OR51B5: variants seen among roughly 807,000 people sequenced by gnomAD.
OR51B5 encodes the protein olfactory receptor family 51 subfamily B member 5.
For synonymous variants in OR51B5, 186 were observed against 144.8 expected, an observed-to-expected ratio of 1.28 and a Z score of -2.04; for missense variants, 456 against 374.6, an observed-to-expected ratio of 1.22 and a Z score of -1.79.
chr11:5,377,439 T>C (rs1158178213), intron 1 of OR51B5, among the ~76,000 whole-genome samples: 1 of 152,120 alleles, frequency 6.6e-6, no homozygotes, highest in Non-Finnish European at 1.5e-5. Flanking sequence ...CTATTCAACA[T>C]AGTGTTGGAA....
At chr11:5,385,109 T>A (rs1242732400) in intron 1 of OR51B5, among the ~76,000 whole-genome samples, 2 of 152,206 alleles carry the variant, frequency 1.3e-5, no homozygotes, top group African/African-American at 4.8e-5. Flanking sequence ...TTTTCAGGAA[T>A]TTTCTCCTGT....
intron 1 of OR51B5, among the ~76,000 whole-genome samples, chr11:5,350,262 A>T (rs1849058065): frequency 6.6e-6 from 1 of 152,244 alleles, no homozygotes; most frequent in Non-Finnish European, 1.5e-5. Context: ...TCCCAAGATC[A>T]TTATTGTTAG....
At chr11:5,463,387 C>T (rs1376333948) in intron 1 of OR51B5, among the ~76,000 whole-genome samples, 2 of 152,196 alleles carry the variant, frequency 1.3e-5, no homozygotes, top group African/African-American at 4.8e-5. Flanking sequence ...GTATGGATGA[C>T]ATACTGATCT....
intron 1 of OR51B5, among the ~76,000 whole-genome samples, chr11:5,372,248 T>C (rs1227100211): frequency 1.3e-5 from 2 of 152,236 alleles, no homozygotes; most frequent in Non-Finnish European, 2.9e-5. Context: ...CAGATAGCTC[T>C]AGAAAATGCG....
intron 1 of OR51B5, chr11:5,354,991 G>C (rs1453125952): frequency 1.9e-5 from 3 of 161,230 alleles, no homozygotes; most frequent in Admixed American, 6.5e-5. Flanking sequence ...TGAGAAAGGT[G>C]ATGTGCTCTG....
intron 1 of OR51B5, among the ~76,000 whole-genome samples, chr11:5,433,940 C>A (rs1378531260): frequency 6.6e-6 from 1 of 152,212 alleles, no homozygotes; most frequent in Non-Finnish European, 1.5e-5. Context: ...CATGCACCAG[C>A]TCTGCTGAAC....
chr11:5,464,976 G>C (rs1851115227), intron 1 of OR51B5, among the ~76,000 whole-genome samples: 1 of 152,122 alleles, frequency 6.6e-6, no homozygotes, highest in African/African-American at 2.4e-5. Flanking sequence ...GGAGGCCGAG[G>C]CGGGCGGATC....
chr11:5,346,264 G>C (rs1205446083), upstream of OR51B5: 1 of 152,084 alleles, frequency 6.6e-6, no homozygotes, highest in African/African-American at 2.4e-5. Flanking sequence ...AGACATACCT[G>C]GTAATGCAGC....
At chr11:5,455,571 G>GAGAGAGAAAGAGAA (rs1016161526) in intron 1 of OR51B5, 2 of 143,898 alleles carry the variant, frequency 1.4e-5, no homozygotes, top group Non-Finnish European at 3.0e-5. Context: ...GGGGGAGAGA[G>GAGAGAGAAAGAGAA]AGAGAGAAAG....
chr11:5,475,240 C>T (rs909209068), intron 1 of OR51B5, among the ~76,000 whole-genome samples: 5 of 152,162 alleles, frequency 3.3e-5, no homozygotes, highest in Non-Finnish European at 7.4e-5. Context: ...ATGCTATTTT[C>T]ATGATGATAA....
In OR51B5 at chr11:5,418,185, C is replaced by T. The variant is rs545004271; in HGVS notation, n.85-71275G>A. Among the ~76,000 whole-genome samples the T allele has an allele frequency of 3.4e-3, 509 of 151,926 alleles. 8 individuals carry two copies. Among genetic ancestry groups the T allele is most frequent in the Admixed American group, 5.6e-3 (86 of 15,250 alleles). On this transcript the variant is annotated intron_variant and non_coding_transcript_variant, in intron 1 of 4. Coordinates refer to the OR51B5 transcript ENST00000415970. ...AAACCAAACACCGCATATTCTCACT[C>T]ATAGGTGGGAATTAAACAATGAGAA...
intron 1 of OR51B5, chr11:5,489,531 T>C (rs763989857): frequency 6.8e-6 from 11 of 1,613,964 alleles, no homozygotes; most frequent in East Asian, 2.2e-5. Flanking sequence ...TCCCCAAGCA[T>C]GTGCACATCT....
intron 1 of OR51B5, among the ~76,000 whole-genome samples, chr11:5,369,897 T>G (rs1201642843): frequency 6.6e-6 from 1 of 152,176 alleles, no homozygotes; most frequent in Non-Finnish European, 1.5e-5. Flanking sequence ...ACCTCATTGG[T>G]TTTGCTATCA....
intron 1 of OR51B5, among the ~76,000 whole-genome samples, chr11:5,408,290 T>C (rs1317698298): frequency 6.6e-6 from 1 of 152,116 alleles, no homozygotes; most frequent in Non-Finnish European, 1.5e-5. Flanking sequence ...TTTTATCCCA[T>C]GTATTAGGAA....
At chr11:5,492,867 T>G (rs1294426313) in intron 1 of OR51B5, among the ~76,000 whole-genome samples, 1 of 152,124 alleles carries the variant, frequency 6.6e-6, no homozygotes, top group East Asian at 1.9e-4. Flanking sequence ...ACTCCTGACC[T>G]CAAGTGATCC....
chr11:5,504,188 T>C lies in OR51B5; in HGVS notation n.84+1381A>G, dbSNP rs570563690. Reference sequence around the variant, plus strand: ...GTGTTTATGATGAAGATATTAGTTTTGTTTTTTTAAAGAAAAAAAAGAAAT... The same window carrying C: ...GTGTTTATGATGAAGATATTAGTTTCGTTTTTTTAAAGAAAAAAAAGAAAT... On this transcript the variant is annotated intron_variant and non_coding_transcript_variant, in intron 1 of 4. Transcript: ENST00000415970. Among the ~76,000 whole-genome samples, 10 of 152,342 alleles carry C rather than the reference T, an allele frequency of 6.6e-5. No individual in the cohort carries two copies. The South Asian group carries it at 1.9e-3, about 28-fold the overall frequency.
intron 1 of OR51B5, among the ~76,000 whole-genome samples, chr11:5,384,515 C>T (rs1258358684): frequency 6.6e-6 from 1 of 152,150 alleles, no homozygotes; most frequent in African/African-American, 2.4e-5. Flanking sequence ...GTTAGGAAGG[C>T]CAGGAGGCAG....
At chr11:5,341,708 A>G (rs1848895894), downstream of OR51B5, among the ~76,000 whole-genome samples, 1 of 151,148 alleles carries the variant, frequency 6.6e-6, no homozygotes, top group Non-Finnish European at 1.5e-5. Flanking sequence ...GCAGAAACCT[A>G]TTTTTTTTTG....
chr11:5,373,368 A>G (rs1273989485), intron 1 of OR51B5, among the ~76,000 whole-genome samples: 1 of 152,214 alleles, frequency 6.6e-6, no homozygotes, highest in Non-Finnish European at 1.5e-5. Context: ...CCAAATAGGA[A>G]CAGCTCTGGT....
Sources: allele counts gnomAD v4.1 joint callset (sites outside exome capture counted in the v4.1 genomes callset), GRCh38; gene constraint gnomAD v4.1.1; transcripts MANE v1.5; gene names NCBI Gene and HGNC (gene_info 2026-07-23, HGNC 2026-07-21).